Variants in HIF1AN observed in about 807,000 individuals in gnomAD.
HIF1AN encodes hypoxia inducible factor 1 subunit alpha inhibitor, also known as hypoxia-inducible factor 1-alpha inhibitor.
Under a neutral mutation model 47.7 loss-of-function variants are expected in HIF1AN, and 21 were observed. The ratio of observed to expected loss-of-function variants is 0.44; its 90% confidence interval spans 0.31 to 0.63. The LOEUF (loss-of-function observed/expected upper bound fraction) is 0.63, where lower values mean the gene tolerates loss of function less well. Among genes scored for constraint, HIF1AN ranks in the 30% least tolerant of loss-of-function variants. The probability of loss-of-function intolerance (pLI) is 0.07; values close to 1 mark genes in which losing one functional copy is unlikely to be tolerated. For missense variants in HIF1AN, 320 were observed against 432.7 expected, an observed-to-expected ratio of 0.74 and a Z score of 2.31; for synonymous variants, 152 against 155.9, an observed-to-expected ratio of 0.98 and a Z score of 0.18.
Position 100,552,609 on chromosome 10 carries a change from C to G in HIF1AN, c.*4472C>G, listed in dbSNP as rs1359219727. 1 of 152,418 alleles carries G rather than the reference C, an allele frequency of 6.6e-6. No homozygotes were observed. The highest frequency in any genetic ancestry group is 2.4e-5 in the African/African-American group (1 of 41,438). 9.4% of individuals were successfully genotyped at this position (152,418 alleles called of 1,614,324 possible). A position where few individuals can be genotyped will look rare whatever the true frequency, so the allele number is the denominator to read the frequency against. ...CCTCTCCAGAGCTGCCTGCAGTTTC[C>G]CTTATTCAGCTGTCTCCTGCCTAGT... is the stretch of plus-strand genomic sequence containing the variant. On this transcript the variant is annotated 3_prime_UTR_variant, in exon 8 of 8. Transcript: ENST00000299163.
chr10:100,548,062 G>A (rs1843111028), intron 7 of HIF1AN, 31 bp from the exon 8 acceptor site: 4 of 1,612,058 alleles, frequency 2.5e-6, no homozygotes, highest in Non-Finnish European at 3.4e-6. Context: ...GGAACAGCCA[G>A]TTCTGATTGG....
intron 2 of HIF1AN, among the ~76,000 whole-genome samples, chr10:100,538,650 G>A (rs919715015): frequency 1.3e-5 from 2 of 151,732 alleles, no homozygotes; most frequent in South Asian, 2.1e-4. Context: ...GTGAAACCCC[G>A]TCTCTACTAA....
intron 2 of HIF1AN, among the ~76,000 whole-genome samples, chr10:100,537,741 T>C: frequency 6.6e-6 from 1 of 152,246 alleles, no homozygotes; most frequent in East Asian, 1.9e-4. Flanking sequence ...CCTGGGTTTC[T>C]CTCTAGTCTC....
rs1589756646 is a variant in HIF1AN at position 100,554,785 on chromosome 10, G to A, written c.*6648G>A. The stretch of plus-strand genomic sequence containing the variant: ...CACGTCATTGCACTCCAGCCTGGGT[G>A]ACTACAGTGAGACTCCCTCTCAAAA... On this transcript the variant is annotated 3_prime_UTR_variant, in exon 8 of 8. Coordinates refer to ENST00000299163, the MANE Select transcript of HIF1AN (RefSeq NM_017902.3). The A allele has an allele frequency of 6.8e-6, 1 of 147,178 alleles. No individual in the cohort carries two copies. The highest frequency in any genetic ancestry group is 2.5e-5 in the African/African-American group (1 of 39,430). 9.1% of individuals were successfully genotyped at this position (147,178 alleles called of 1,614,324 possible).
In HIF1AN at chr10:100,555,006, T is replaced by G. The variant is rs1369622612; in HGVS notation, c.*6869T>G. On this transcript the variant is annotated 3_prime_UTR_variant, in exon 8 of 8. Transcript: ENST00000299163. Reference sequence around the variant, plus strand: ...GGCAGGCAGTTAGAATTATGGTGTATAGAGGAGAAGCATTGCACTATGTCC... The same window carrying G: ...GGCAGGCAGTTAGAATTATGGTGTAGAGAGGAGAAGCATTGCACTATGTCC... 4 of 152,112 alleles carry G rather than the reference T, an allele frequency of 2.6e-5. No individual in the cohort carries two copies. Among genetic ancestry groups the G allele is most frequent in the African/African-American group, 9.7e-5 (4 of 41,392 alleles). The allele number at this position is 152,112 out of a possible 1,614,324, so 9.4% of individuals were successfully genotyped here.
intron 5 of HIF1AN, 115 bp downstream of exon 5, chr10:100,546,164 G>A: frequency 1.3e-6 from 1 of 768,688 alleles, no homozygotes; most frequent in Non-Finnish European, 2.2e-6. Context: ...TGGTCTATAG[G>A]AAGGTTGGCA....
rs1169698769 is a variant in HIF1AN, at chr10:100,555,079, T to TA, written c.*6943dup. On this transcript the variant is annotated 3_prime_UTR_variant, in exon 8 of 8. Transcript: ENST00000299163. Reference sequence around the variant, plus strand: ...GCAGAAAGTGATAAGTCCAAGCTGATATGTGGAAGATGAATAATTAACCAG... The same window carrying TA: ...GCAGAAAGTGATAAGTCCAAGCTGATAATGTGGAAGATGAATAATTAACCAG... 1 of 152,168 alleles carries TA rather than the reference T, an allele frequency of 6.6e-6. No individual in the cohort carries two copies. Among genetic ancestry groups the TA allele is most frequent in the Non-Finnish European group, 1.5e-5 (1 of 68,024 alleles). 9.4% of individuals were successfully genotyped at this position (152,168 alleles called of 1,614,324 possible). A position where few individuals can be genotyped will look rare whatever the true frequency, so the allele number is the denominator to read the frequency against.
At chr10:100,536,211 G>A in intron 1 of HIF1AN, 76 bp downstream of exon 1, 3 of 1,423,340 alleles carry the variant, frequency 2.1e-6, no homozygotes, top group Admixed American at 2.1e-5. Flanking sequence ...TGGTGAAAGA[G>A]ATGGGAGACT....
intron 4 of HIF1AN, 64 bp from the exon 5 acceptor site, chr10:100,545,879 A>G: frequency 1.9e-6 from 2 of 1,037,332 alleles, no homozygotes; most frequent in South Asian, 2.7e-5. Context: ...AAACTGGCAT[A>G]TAGTAGTTTT....
intron 1 of HIF1AN, 69 bp from the exon 2 acceptor site, chr10:100,536,342 A>G (rs577937839): frequency 6.4e-7 from 1 of 1,574,248 alleles, no homozygotes; most frequent in Non-Finnish European, 8.7e-7. Context: ...AGTTGGGATC[A>G]TGGAGGCCAA....
chr10:100,538,203 T>C (rs746468024), intron 2 of HIF1AN, among the ~76,000 whole-genome samples: 21 of 152,164 alleles, frequency 1.4e-4, no homozygotes, highest in Non-Finnish European at 2.6e-4. Flanking sequence ...ATTAAAGAGT[T>C]TTCAAGGAAA....
chr10:100,535,947 C>G lies in HIF1AN; in HGVS notation c.-12C>G. 1 of 1,546,604 alleles carries G rather than the reference C, an allele frequency of 6.5e-7. No individual in the cohort carries two copies. The highest frequency in any genetic ancestry group is 8.7e-7 in the Non-Finnish European group (1 of 1,146,408). Reference sequence around the variant, plus strand: ...CTTCCGGTTCCGGTGGGGGCCGTCCCTGGCGGCGGAGATGGCGGCGACAGC... The same window carrying G: ...CTTCCGGTTCCGGTGGGGGCCGTCCGTGGCGGCGGAGATGGCGGCGACAGC... On this transcript the variant is annotated 5_prime_UTR_variant, in exon 1 of 8. Coordinates refer to ENST00000299163, the MANE Select transcript of HIF1AN (RefSeq NM_017902.3).
chr10:100,555,101 C>A lies in HIF1AN; in HGVS notation c.*6964C>A, dbSNP rs1010858963. 6.6e-6 allele frequency: 1 copy of A among 152,192 alleles called. No homozygotes were observed. The highest frequency in any genetic ancestry group is 1.5e-5 in the Non-Finnish European group (1 of 68,040). 9.4% of individuals were successfully genotyped at this position (152,192 alleles called of 1,614,324 possible). Reference sequence around the variant, plus strand: ...TGATATGTGGAAGATGAATAATTAACCAGAGGTTGGGGGATTTCCCCCTTA... The same window carrying A: ...TGATATGTGGAAGATGAATAATTAAACAGAGGTTGGGGGATTTCCCCCTTA... On this transcript the variant is annotated 3_prime_UTR_variant, in exon 8 of 8. Coordinates refer to ENST00000299163, the MANE Select transcript of HIF1AN (RefSeq NM_017902.3).
At position 100,559,638 on chromosome 10, in the gene HIF1AN, C is replaced by T. The variant is rs2489035; in HGVS notation, c.*11501C>T. The T allele has an allele frequency of 0.22, 33,209 of 152,046 alleles. 3,722 individuals are homozygous for T. Among genetic ancestry groups the T allele is most frequent in the African/African-American group, 0.26 (10,671 of 41,462 alleles). 9.4% of individuals were successfully genotyped at this position (152,046 alleles called of 1,614,324 possible). ...CTCACTTCATTGCCCAGGCGGATCT[C>T]GAACACCTGGGCTCAAGCAGTCCTG... On this transcript the variant is annotated 3_prime_UTR_variant, in exon 8 of 8. Transcript: ENST00000299163.
At chr10:100,540,464 G>T (rs1213332545) in intron 2 of HIF1AN, among the ~76,000 whole-genome samples, 170 bp from the exon 3 acceptor site, 1 of 152,022 alleles carries the variant, frequency 6.6e-6, no homozygotes. Context: ...TGAAGGATAA[G>T]TAAGAATTCA....
At chr10:100,545,140 A>C (rs780784111) in intron 4 of HIF1AN, 44 bp downstream of exon 4, 1 of 1,587,628 alleles carries the variant, frequency 6.3e-7, no homozygotes, top group South Asian at 1.1e-5. Flanking sequence ...TCTAGATTCT[A>C]GTAATGCCTA....
intron 3 of HIF1AN, 97 bp downstream of exon 3, chr10:100,540,879 C>A: frequency 9.1e-7 from 1 of 1,101,912 alleles, no homozygotes; most frequent in Non-Finnish European, 1.3e-6. Flanking sequence ...TTTGAACAAG[C>A]CACTTCACTT....
rs1843133929 is a variant in HIF1AN at position 100,549,511 on chromosome 10, A to G, written c.*1374A>G. The G allele has an allele frequency of 6.6e-6, 1 of 152,272 alleles. No homozygotes were observed. The highest frequency in any genetic ancestry group is 2.1e-4 in the South Asian group (1 of 4,834). 9.4% of individuals were successfully genotyped at this position (152,272 alleles called of 1,614,324 possible). ...CAATAGTCAGGGCAACTGGTGGAGC[A>G]TGGAAGTCGAATTTCCTTTTCTGTT... On this transcript the variant is annotated 3_prime_UTR_variant, in exon 8 of 8. Coordinates refer to ENST00000299163, the MANE Select transcript of HIF1AN (RefSeq NM_017902.3).
chr10:100,545,243 G>A, intron 4 of HIF1AN, 147 bp downstream of exon 4: 1 of 790,192 alleles, frequency 1.3e-6, no homozygotes, highest in African/African-American at 1.7e-5. Flanking sequence ...TAATTTCATT[G>A]TAGCTCACAT....
Sources: allele counts gnomAD v4.1 joint callset (sites outside exome capture counted in the v4.1 genomes callset), GRCh38; gene constraint gnomAD v4.1.1; transcripts MANE v1.5; gene names NCBI Gene and HGNC (gene_info 2026-07-23, HGNC 2026-07-21).